Variants in JAK1 observed in about 807,000 individuals in gnomAD.
The protein encoded by JAK1 is Janus kinase 1, also known as tyrosine-protein kinase JAK1.
JAK1 carries 16 observed loss-of-function variants against 136.6 expected under a neutral mutation model. The ratio of observed to expected loss-of-function variants is 0.12; its 90% confidence interval spans 0.08 to 0.18. The LOEUF (loss-of-function observed/expected upper bound fraction) is 0.18, where lower values mean the gene tolerates loss of function less well. Ranked by LOEUF, JAK1 falls within the 10% of genes least tolerant of loss-of-function variation. The pLI is 1.00. For synonymous variants in JAK1, 492 were observed against 519.5 expected (o/e 0.95, Z 0.72); for missense variants, 859 against 1,450.1 (o/e 0.59, Z 6.62).
At chr1:64,924,488 G>A (rs1030114552) in intron 1 of JAK1, among the ~76,000 whole-genome samples, 1 of 152,098 alleles carries the variant, frequency 6.6e-6, no homozygotes, top group African/African-American at 2.4e-5. Flanking sequence ...TACCCAGCCC[G>A]GCATCAAAGA....
chr1:64,995,007 A>G (rs1646692025), intron 2 of JAK1: 1 of 150,548 alleles, frequency 6.6e-6, no homozygotes, highest in South Asian at 2.1e-4. Flanking sequence ...GCAGGATTGT[A>G]CCTTGAATCT....
chr1:65,016,740 A>C (rs1026876078), intron 2 of JAK1, among the ~76,000 whole-genome samples: 5 of 152,106 alleles, frequency 3.3e-5, no homozygotes, highest in Non-Finnish European at 7.4e-5. Flanking sequence ...TCTACTAAAA[A>C]TACAAAAATT....
chr1:64,974,432 T>C (rs1391354747), intron 2 of JAK1: 1 of 152,210 alleles, frequency 6.6e-6, no homozygotes, highest in East Asian at 1.9e-4. Flanking sequence ...ATACATAAAA[T>C]TGCAATCATA....
At chr1:64,890,987 A>G (rs768930150) in intron 1 of JAK1, among the ~76,000 whole-genome samples, 1 of 152,216 alleles carries the variant, frequency 6.6e-6, no homozygotes, top group Non-Finnish European at 1.5e-5. Flanking sequence ...AAGTGGGGAG[A>G]TAAAAATAGC....
intron 1 of JAK1, among the ~76,000 whole-genome samples, chr1:64,960,762 T>C (rs1278108711): frequency 6.6e-6 from 1 of 152,236 alleles, no homozygotes; most frequent in Non-Finnish European, 1.5e-5. Flanking sequence ...CCTTCTTACA[T>C]ACCTCCTAAC....
chr1:64,851,655 T>C (rs1012766864), intron 11 of JAK1, among the ~76,000 whole-genome samples: 1 of 152,132 alleles, frequency 6.6e-6, no homozygotes, highest in African/African-American at 2.4e-5. Flanking sequence ...GGCCAGGAAA[T>C]CTACAATCCA....
intron 1 of JAK1, among the ~76,000 whole-genome samples, chr1:64,896,773 A>C (rs1041669296): frequency 1.3e-5 from 2 of 152,206 alleles, no homozygotes; most frequent in Non-Finnish European, 2.9e-5. Context: ...AGAAGGTCTA[A>C]GAGTGGGGCT....
intron 12 of JAK1, among the ~76,000 whole-genome samples, chr1:64,849,800 A>G (rs1655473458): frequency 6.6e-6 from 1 of 152,252 alleles, no homozygotes; most frequent in Non-Finnish European, 1.5e-5. Context: ...CTACACAGAA[A>G]AGAGGCTATG....
chr1:64,877,469 A>G (rs1557656748), intron 4 of JAK1, among the ~76,000 whole-genome samples: 1 of 152,210 alleles, frequency 6.6e-6, no homozygotes, highest in Non-Finnish European at 1.5e-5. Flanking sequence ...GAACAGGCAA[A>G]GACAGCCTTT....
intron 8 of JAK1, among the ~76,000 whole-genome samples, chr1:64,862,162 G>A (rs990244954): frequency 6.6e-6 from 1 of 152,198 alleles, no homozygotes; most frequent in Non-Finnish European, 1.5e-5. Context: ...TGGCAGCATG[G>A]AGCAGTGGTC....
intron 2 of JAK1, among the ~76,000 whole-genome samples, chr1:65,027,466 A>G (rs978165738): frequency 1.3e-5 from 2 of 151,958 alleles, no homozygotes; most frequent in East Asian, 1.9e-4. Context: ...ATCTCCTTAC[A>G]TGTATTTTTG....
intron 1 of JAK1, among the ~76,000 whole-genome samples, chr1:64,949,719 G>A (rs1277783461): frequency 1.3e-5 from 2 of 152,182 alleles, no homozygotes; most frequent in Non-Finnish European, 2.9e-5. Flanking sequence ...TGTGACTTAA[G>A]TTTCTGTTTA....
intron 2 of JAK1, among the ~76,000 whole-genome samples, chr1:64,995,662 C>T (rs1646697843): frequency 6.6e-6 from 1 of 152,164 alleles, no homozygotes; most frequent in South Asian, 2.1e-4. Flanking sequence ...GAGCCTTATA[C>T]AGATTACAAA....
At chr1:64,981,673 A>T (rs1646546846) in intron 2 of JAK1, among the ~76,000 whole-genome samples, 1 of 152,192 alleles carries the variant, frequency 6.6e-6, no homozygotes, top group African/African-American at 2.4e-5. Context: ...GAGGACCTGG[A>T]AAGGACTAAC....
chr1:64,960,066 A>G (rs1646255104), intron 1 of JAK1, among the ~76,000 whole-genome samples: 1 of 152,086 alleles, frequency 6.6e-6, no homozygotes, highest in Non-Finnish European at 1.5e-5. Flanking sequence ...TCTCAACAAA[A>G]CAATTTAAAA....
intron 1 of JAK1, among the ~76,000 whole-genome samples, chr1:64,917,290 C>G (rs928069984): frequency 1.7e-4 from 26 of 152,124 alleles, no homozygotes; most frequent in African/African-American, 6.3e-4. Context: ...CTATAACCAG[C>G]CAAATTATCA....
At chr1:64,988,620 T>G (rs1429678993) in intron 2 of JAK1, among the ~76,000 whole-genome samples, 1 of 152,088 alleles carries the variant, frequency 6.6e-6, no homozygotes, top group African/African-American at 2.4e-5. Flanking sequence ...TGGTGGCTCA[T>G]GCCTGTAATC....
chr1:64,894,566 C>G (rs974780007), intron 1 of JAK1, among the ~76,000 whole-genome samples: 1 of 152,044 alleles, frequency 6.6e-6, no homozygotes, highest in African/African-American at 2.4e-5. Context: ...CGAAACCAGC[C>G]TGGCCAATAT....
chr1:64,943,836 T>TA (rs35735954), intron 1 of JAK1, among the ~76,000 whole-genome samples: 1 of 146,074 alleles, frequency 6.8e-6, no homozygotes, highest in African/African-American at 2.5e-5. Flanking sequence ...CTTTAATAAA[T>TA]AAAAAAAAAA....
Sources: gnomAD v4.1 joint callset for allele counts (sites outside exome capture counted in the v4.1 genomes callset) on GRCh38, gnomAD v4.1.1 for gene constraint, MANE v1.5 for transcripts, NCBI Gene and HGNC (gene_info 2026-07-23, HGNC 2026-07-21) for gene names.